The following SIMC1 variants were observed in gnomAD, a reference collection of about 807,000 sequenced individuals.
The protein encoded by SIMC1 is SUMO interacting motifs containing 1.
Under a neutral mutation model 82.3 loss-of-function variants are expected in SIMC1, and 55 were observed. The ratio of observed to expected loss-of-function variants is 0.67; its 90% CI spans 0.54 to 0.84. The LOEUF (loss-of-function observed/expected upper bound fraction) is 0.84. Among genes scored for constraint, SIMC1 ranks in the 40% least tolerant of loss-of-function variants. SIMC1 has a pLI of 0.00. For synonymous variants in SIMC1, 353 were observed against 426.3 expected, an observed-to-expected ratio of 0.83 and a Z score of 2.12; for missense variants, 915 against 1,107.2, an observed-to-expected ratio of 0.83 and a Z score of 2.46.
intron 2 of SIMC1, among the ~76,000 whole-genome samples, chr5:176,294,764 C>T (rs1763730317): frequency 6.6e-6 from 1 of 151,386 alleles, no homozygotes; most frequent in Non-Finnish European, 1.5e-5. Context: ...AGATTGAGAC[C>T]ATCCTGGCTA....
At chr5:176,294,964 CAAAAAAAAAAAA>C (rs70991529) in intron 2 of SIMC1, 54 bp from the exon 3 acceptor site, 14 of 1,211,694 alleles carry the variant, frequency 1.2e-5, no homozygotes, top group South Asian at 7.9e-5. Flanking sequence ...GACTCCGTCT[CAAAAAAAAAAAA>C]AAAAAAAAAA....
At chr5:176,301,211 TG>T (rs954643935) in intron 4 of SIMC1, among the ~76,000 whole-genome samples, 3 of 152,058 alleles carry the variant, frequency 2.0e-5, no homozygotes, top group Non-Finnish European at 4.4e-5. Context: ...ATTGAATCAT[TG>T]GGGCGGGTTT....
chr5:176,252,469 G>A (rs1468617844), intron 1 of SIMC1, among the ~76,000 whole-genome samples: 98 of 150,986 alleles, frequency 6.5e-4, no homozygotes, highest in Non-Finnish European at 1.2e-3. Flanking sequence ...ATGGGGTCGC[G>A]GCTGGGCAGA....
chr5:176,256,393 C>T (rs751568581), intron 1 of SIMC1, among the ~76,000 whole-genome samples: 7 of 152,110 alleles, frequency 4.6e-5, no homozygotes, highest in Non-Finnish European at 8.8e-5. Context: ...AACTTGGTCA[C>T]CACAAATTTC....
In SIMC1 at chr5:176,290,640, C is replaced by G. The variant is rs1404272026; in HGVS notation, c.1116C>G (p.Asp372Glu). Residue 372 changes from aspartate to glutamate, a missense_variant, in exon 2 of 10, where the codon GAC becomes GAG. Physicochemically the swap from Asp to Glu is conservative, Grantham distance 45. This residue lies in a region of SIMC1 where 902 missense variants were observed against 1,040.3 expected (regional missense o/e 0.87). Transcript: ENST00000429602. ...DIPHLPGDRP[D>E]FTQNDVQNRD... ...CTCACTTACCAGGAGACAGGCCTGA[C>G]TTTACCCAGAATGATGTACAGAACC... The G allele has an allele frequency of 1.9e-6, 3 of 1,613,880 alleles. No individual in the cohort carries two copies. The African/African-American group carries it at 4.0e-5, about 22-fold the overall frequency.
intron 1 of SIMC1, among the ~76,000 whole-genome samples, chr5:176,252,289 G>A (rs1392026733): frequency 6.6e-6 from 1 of 151,814 alleles, no homozygotes; most frequent in Admixed American, 6.6e-5. Flanking sequence ...CGTCCCGGAC[G>A]TGGTGGCTGC....
At chr5:176,317,091 T>A (rs1764945928) in intron 5 of SIMC1, among the ~76,000 whole-genome samples, 1 of 152,200 alleles carries the variant, frequency 6.6e-6, no homozygotes, top group Admixed American at 6.5e-5. Context: ...AAATCATTTG[T>A]TTCAGTTGGC....
At chr5:176,289,586 C>T (rs1763449667) in intron 1 of SIMC1, 68 bp from the exon 2 acceptor site, 2 of 1,268,140 alleles carry the variant, frequency 1.6e-6, no homozygotes, top group South Asian at 3.1e-5. Flanking sequence ...AAAGCTAAGA[C>T]TTAAGTCATC....
At chr5:176,248,398 G>C (rs1193448762) in intron 1 of SIMC1, among the ~76,000 whole-genome samples, 1 of 152,038 alleles carries the variant, frequency 6.6e-6, no homozygotes, top group Non-Finnish European at 1.5e-5. Context: ...TCATGATTTG[G>C]CTTTCTGTTT....
intron 4 of SIMC1, among the ~76,000 whole-genome samples, chr5:176,307,874 C>G (rs565787513): frequency 2.0e-5 from 3 of 152,194 alleles, no homozygotes; most frequent in Non-Finnish European, 4.4e-5. Flanking sequence ...TTTGCCCTAT[C>G]TATTCCAATT....
At position 176,290,015 on chromosome 5, in the gene SIMC1, C is replaced by T. The variant is rs760846834; in HGVS notation, c.491C>T (p.Ala164Val). The T allele has an allele frequency of 1.2e-6, 2 of 1,613,802 alleles. No individual in the cohort carries two copies. Among genetic ancestry groups the T allele is most frequent in the South Asian group, 2.2e-5 (2 of 91,066 alleles). Residue 164 changes from alanine (A) to valine (V), a missense_variant, in exon 2 of 10, where the codon GCC (alanine) becomes GTC (valine). Transcript: ENST00000429602. ...CCAACAGAGCCTAATTGTAGCTCAGCCACATTCACAGGTAACCTCAGCTTC... is the reference window on the plus strand; with the variant it reads ...CCAACAGAGCCTAATTGTAGCTCAGTCACATTCACAGGTAACCTCAGCTTC... ...VYPTEPNCSS[A>V]TFTGNLSFLA...
intron 5 of SIMC1, 115 bp from the exon 6 acceptor site, chr5:176,322,158 G>T: frequency 8.1e-7 from 1 of 1,237,346 alleles, no homozygotes; most frequent in Non-Finnish European, 1.1e-6. Flanking sequence ...CCAGGTTAAG[G>T]CTATAGTTCT....
intron 1 of SIMC1, among the ~76,000 whole-genome samples, chr5:176,240,658 C>G (rs542180426): frequency 1.1e-5 from 1 of 93,632 alleles, no homozygotes; most frequent in East Asian, 2.9e-4. Flanking sequence ...TGTAAAAGAT[C>G]AGAGGCATTG....
chr5:176,273,967 G>A (rs1284071042), intron 1 of SIMC1, among the ~76,000 whole-genome samples: 63 of 151,382 alleles, frequency 4.2e-4, no homozygotes, highest in Middle Eastern at 3.4e-3. Context: ...ATAAACATAC[G>A]TGTGCATGTG....
At chr5:176,263,913 G>A (rs1160240343) in intron 1 of SIMC1, among the ~76,000 whole-genome samples, 2 of 152,202 alleles carry the variant, frequency 1.3e-5, no homozygotes, top group African/African-American at 4.8e-5. Flanking sequence ...TACAATGATT[G>A]TGCAGGCATA....
intron 6 of SIMC1, among the ~76,000 whole-genome samples, chr5:176,323,577 A>G (rs994738247): frequency 1.3e-5 from 2 of 152,214 alleles, no homozygotes; most frequent in Non-Finnish European, 1.5e-5. Context: ...AACTTGTCGA[A>G]GGTTAAACAG....
chr5:176,326,312 AG>A (rs1765390368), intron 7 of SIMC1, among the ~76,000 whole-genome samples: 1 of 152,184 alleles, frequency 6.6e-6, no homozygotes, highest in African/African-American at 2.4e-5. Context: ...TACTCTGGTA[AG>A]ATTGAGACAT....
rs762913107 is a variant in SIMC1 at position 176,290,655 on chromosome 5, T to C, written c.1131T>C (p.Asp377=). The change falls in exon 2 of 10, where the codon GAT becomes GAC. Residue 377 remains aspartate (D), a synonymous_variant. Coordinates refer to ENST00000429602, the MANE Select transcript of SIMC1 (RefSeq NM_001308195.2). ...ACAGGCCTGACTTTACCCAGAATGA[T>C]GTACAGAACCGTGACATGCCTATGG... ...PGDRPDFTQN[D]VQNRDMPMDI... 2 of 1,614,028 alleles carry C rather than the reference T, an allele frequency of 1.2e-6. No homozygotes were observed. Among genetic ancestry groups the C allele is most frequent in the South Asian group, 2.2e-5 (2 of 91,084 alleles).
At chr5:176,291,779 G>A (rs541855757) in intron 2 of SIMC1, among the ~76,000 whole-genome samples, 60 of 152,288 alleles carry the variant, frequency 3.9e-4, no homozygotes, top group African/African-American at 1.2e-3. Context: ...CGCCCAGCAG[G>A]GCACTTTACC....
Sources: allele counts gnomAD v4.1 joint callset (sites outside exome capture counted in the v4.1 genomes callset), GRCh38; gene constraint gnomAD v4.1.1; regional missense constraint gnomAD v4.1.1; transcripts MANE v1.5; gene names NCBI Gene and HGNC (gene_info 2026-07-23, HGNC 2026-07-21).